The following CPNE5 variants were observed in gnomAD, a reference collection of about 807,000 sequenced individuals.
The protein encoded by CPNE5 is copine 5.
In CPNE5, 42 loss-of-function variants were observed where a neutral mutation model predicts 81.1. That is an observed-to-expected ratio of 0.52 (90% CI 0.40 to 0.67). CPNE5 has a LOEUF of 0.67. Ranked by LOEUF, CPNE5 falls within the 30% of genes least tolerant of loss-of-function variation. The pLI, the probability that CPNE5 is intolerant of heterozygous loss-of-function variation, is 0.00. For synonymous variants in CPNE5, 313 were observed against 321.5 expected, an observed-to-expected ratio of 0.97 and a Z score of 0.28; for missense variants, 612 against 815.5, an observed-to-expected ratio of 0.75 and a Z score of 3.04.
intron 1 of CPNE5, among the ~76,000 whole-genome samples, chr6:36,836,303 G>T (rs895944603): frequency 2.0e-5 from 3 of 152,216 alleles, no homozygotes; most frequent in African/African-American, 7.2e-5. Context: ...AGGCAGCTTT[G>T]CTTAGCTAGC....
chr6:36,755,353 A>T (rs1045473492), intron 13 of CPNE5: 6 of 152,238 alleles, frequency 3.9e-5, no homozygotes, highest in African/African-American at 1.4e-4. Flanking sequence ...CTAGAAATGC[A>T]CTGTGAGCTC....
chr6:36,797,426 G>A (rs886452276), intron 6 of CPNE5, among the ~76,000 whole-genome samples: 1 of 152,242 alleles, frequency 6.6e-6, no homozygotes, highest in Non-Finnish European at 1.5e-5. Flanking sequence ...TGTGAGGGTG[G>A]CCGTCCAGAG....
chr6:36,754,417 C>G (rs1034604367), intron 13 of CPNE5: 4 of 152,282 alleles, frequency 2.6e-5, no homozygotes, highest in Middle Eastern at 6.8e-3. Context: ...CACCTCGATG[C>G]CAGGTAGAAA....
chr6:36,772,633 C>T (rs957235026), intron 10 of CPNE5, among the ~76,000 whole-genome samples: 16 of 152,188 alleles, frequency 1.1e-4, no homozygotes, highest in African/African-American at 3.9e-4. Context: ...ACTCAGTGAC[C>T]ACCTGTGGAA....
intron 8 of CPNE5, among the ~76,000 whole-genome samples, chr6:36,785,906 G>A (rs1035856239): frequency 3.3e-5 from 5 of 151,260 alleles, no homozygotes; most frequent in African/African-American, 7.3e-5. Context: ...CCAGATACTC[G>A]GGAGGCTGAG....
At chr6:36,797,105 C>A (rs2150521288) in intron 6 of CPNE5, among the ~76,000 whole-genome samples, 1 of 152,334 alleles carries the variant, frequency 6.6e-6, no homozygotes, top group South Asian at 2.1e-4. Flanking sequence ...CAGGGTTGCA[C>A]CATGTTGGCC....
chr6:36,750,495 G>A (rs1484392355), intron 14 of CPNE5, among the ~76,000 whole-genome samples: 1 of 152,134 alleles, frequency 6.6e-6, no homozygotes, highest in African/African-American at 2.4e-5. Flanking sequence ...AGAAGGAGCC[G>A]CAAAGCTAGC....
At chr6:36,804,838 C>T (rs1197331109) in intron 3 of CPNE5, among the ~76,000 whole-genome samples, 1 of 152,118 alleles carries the variant, frequency 6.6e-6, no homozygotes, top group South Asian at 2.1e-4. Flanking sequence ...CCAAGCCCAC[C>T]CCCAATAACT....
In CPNE5 at chr6:36,839,352, G is replaced by C; in HGVS notation, c.26C>G (p.Ser9Trp). 1 of 1,553,644 alleles carries C rather than the reference G, an allele frequency of 6.4e-7. No individual in the cohort carries two copies. The highest frequency in any genetic ancestry group is 2.4e-5 in the East Asian group (1 of 40,862). Residue 9 changes from serine (S) to tryptophan (W), a missense_variant, in exon 1 of 21, where the codon TCG becomes TGG. Transcript: ENST00000244751. This position sits in a 1 kb window ranked among gnomAD's most constrained non-coding sequence, Gnocchi z 7.3. MEQPEDMA[S>W]LSEFDSLAGS... Reference sequence around the variant, plus strand: ...CGCCAAGGAGTCGAACTCGCTCAGCGACGCCATGTCCTCAGGCTGCTCCAT... The same window carrying C: ...CGCCAAGGAGTCGAACTCGCTCAGCCACGCCATGTCCTCAGGCTGCTCCAT...
intron 9 of CPNE5, among the ~76,000 whole-genome samples, chr6:36,777,101 C>G (rs187988507): frequency 6.6e-6 from 1 of 152,232 alleles, no homozygotes; most frequent in African/African-American, 2.4e-5. Flanking sequence ...CCCATGACCT[C>G]CCGGGTCTGA....
intron 18 of CPNE5, 51 bp downstream of exon 18, chr6:36,744,997 G>T: frequency 7.7e-7 from 1 of 1,299,550 alleles, no homozygotes; most frequent in Non-Finnish European, 1.1e-6. Flanking sequence ...CCCCTAACGG[G>T]GAGGAAGACA....
intron 6 of CPNE5, among the ~76,000 whole-genome samples, chr6:36,797,185 C>T (rs553789259): frequency 3.9e-5 from 6 of 152,318 alleles, no homozygotes; most frequent in Admixed American, 6.5e-5. Context: ...AGATTACAGG[C>T]GTGAGCCACC....
At chr6:36,758,973 G>C (rs1247283141) in intron 12 of CPNE5, among the ~76,000 whole-genome samples, 2 of 152,256 alleles carry the variant, frequency 1.3e-5, no homozygotes, top group Admixed American at 6.5e-5. Context: ...AAGTAGGCAA[G>C]CTGTTAAGAT....
chr6:36,790,725 A>G (rs1234822011), intron 8 of CPNE5, among the ~76,000 whole-genome samples: 2 of 152,042 alleles, frequency 1.3e-5, no homozygotes, highest in African/African-American at 2.4e-5. Context: ...TTGTGTTTTT[A>G]GTAGAGACGG....
chr6:36,745,221 C>T, intron 17 of CPNE5, 71 bp from the exon 18 acceptor site: 1 of 1,466,618 alleles, frequency 6.8e-7, no homozygotes, highest in Non-Finnish European at 9.4e-7. Flanking sequence ...AAACAAGGAC[C>T]CTGAACACTT....
At chr6:36,835,883 A>T (rs1282154337) in intron 1 of CPNE5, among the ~76,000 whole-genome samples, 3 of 152,162 alleles carry the variant, frequency 2.0e-5, no homozygotes, top group Non-Finnish European at 2.9e-5. Flanking sequence ...ATAGAGGCAA[A>T]TTTTTATTAA....
Position 36,839,393 on chromosome 6 carries a change from C to T in CPNE5, c.-16G>A, listed in dbSNP as rs763109999. ...GCTGCTCCATCGCCCACCGCACCCC[C>T]CACCCCAAATTAGTCAATCCCTGCG... On this transcript the variant is annotated 5_prime_UTR_variant, in exon 1 of 21. Transcript: ENST00000244751. The surrounding 1 kb of genome is among the most constrained non-coding windows in gnomAD (Gnocchi z 7.3). The T allele has an allele frequency of 5.9e-6, 9 of 1,536,098 alleles. No individual in the cohort carries two copies. Among genetic ancestry groups the T allele is most frequent in the African/African-American group, 1.4e-5 (1 of 72,408 alleles).
chr6:36,761,765 T>G (rs1002544260), intron 12 of CPNE5, among the ~76,000 whole-genome samples: 4 of 152,128 alleles, frequency 2.6e-5, no homozygotes, highest in African/African-American at 9.7e-5. Context: ...ACGTAGCTAG[T>G]AAGTGGTAGA....
chr6:36,822,231 A>C, intron 2 of CPNE5, 71 bp from the exon 3 acceptor site: 5 of 1,347,762 alleles, frequency 3.7e-6, no homozygotes, highest in Non-Finnish European at 5.0e-6. Flanking sequence ...GATGAAAAGG[A>C]TCCTGGCTGG....
Sources: allele counts gnomAD v4.1 joint callset (sites outside exome capture counted in the v4.1 genomes callset), GRCh38; gene constraint gnomAD v4.1.1; non-coding constraint Gnocchi (gnomAD v3.1); transcripts MANE v1.5; gene names NCBI Gene and HGNC (gene_info 2026-07-23, HGNC 2026-07-21).